Variants in HSD17B4 observed in about 807,000 individuals in gnomAD.
The protein encoded by HSD17B4 is peroxisomal multifunctional enzyme type 2.
Under a neutral mutation model 101.0 loss-of-function variants are expected in HSD17B4, and 70 were observed. That is an observed-to-expected ratio of 0.69 (90% confidence interval 0.57 to 0.85). HSD17B4 has a LOEUF of 0.85. Among genes scored for constraint, HSD17B4 ranks in the 40% least tolerant of loss-of-function variants. HSD17B4 has a pLI of 0.00. For missense variants in HSD17B4, 984 were observed against 892.4 expected (o/e 1.10, Z -1.31); for synonymous variants, 347 against 297.1 (o/e 1.17, Z -1.73).
At chr5:119,514,269 G>T (rs1171050328) in intron 16 of HSD17B4, among the ~76,000 whole-genome samples, 2 of 152,094 alleles carry the variant, frequency 1.3e-5, no homozygotes, top group South Asian at 4.1e-4. Flanking sequence ...TCTAAGTGTG[G>T]CATTTTAGTA....
intron 8 of HSD17B4, among the ~76,000 whole-genome samples, chr5:119,485,318 G>A (rs1749520637): frequency 6.6e-6 from 1 of 152,100 alleles, no homozygotes; most frequent in Non-Finnish European, 1.5e-5. Context: ...TATTTGAACA[G>A]ATCTGGACCA....
chr5:119,478,695 C>T (rs1345542020), intron 7 of HSD17B4, 139 bp from the exon 8 acceptor site: 1 of 617,754 alleles, frequency 1.6e-6, no homozygotes, highest in Non-Finnish European at 2.9e-6. Context: ...ATTTTAGTTA[C>T]ATAAATCATG....
At position 119,499,664 on chromosome 5, in the gene HSD17B4, ATTAT is replaced by A. The variant is rs1295468760; in HGVS notation, c.1209+116_1209+119del. The A allele has an allele frequency of 1.3e-5, 7 of 547,804 alleles. No homozygotes were observed. The African/African-American group carries it at 1.4e-4, about 11-fold the overall frequency. 33.9% of individuals were successfully genotyped at this position (547,804 alleles called of 1,614,324 possible). A position where few individuals can be genotyped will look rare whatever the true frequency, so the allele number is the denominator to read the frequency against. ...TAGTGTGTGTATATATATTTATATA[ATTAT>A]TTATAGTGGTTAGTTTAGCATATCT... is the stretch of plus-strand genomic sequence containing the variant. On this transcript the variant is annotated intron_variant, in intron 13 of 23. Transcript: ENST00000510025.
intron 2 of HSD17B4, chr5:119,472,455 C>T (rs1344221044): frequency 1.3e-5 from 2 of 150,108 alleles, no homozygotes; most frequent in Non-Finnish European, 3.0e-5. Context: ...TTTTTTGAGA[C>T]AGAGTTTCCA....
intron 10 of HSD17B4, chr5:119,492,909 A>G (rs1368109854): frequency 6.6e-6 from 1 of 152,094 alleles, no homozygotes; most frequent in South Asian, 2.1e-4. Flanking sequence ...CAATTAACTG[A>G]ATCAGTTAAA....
At chr5:119,469,656 G>A (rs1387097486) in intron 2 of HSD17B4, among the ~76,000 whole-genome samples, 2 of 152,152 alleles carry the variant, frequency 1.3e-5, no homozygotes, top group Non-Finnish European at 2.9e-5. Flanking sequence ...CACCTGGCCT[G>A]TTTTTCCATG....
chr5:119,493,265 T>A (rs1179891588), intron 10 of HSD17B4: 4 of 153,810 alleles, frequency 2.6e-5, no homozygotes, highest in Non-Finnish European at 2.9e-5. Context: ...GCAGCAGTAA[T>A]GGTTTTTATG....
chr5:119,534,405 T>C (rs1754370953), intron 22 of HSD17B4, among the ~76,000 whole-genome samples: 1 of 152,112 alleles, frequency 6.6e-6, no homozygotes, highest in Non-Finnish European at 1.5e-5. Flanking sequence ...ATGATGTGAC[T>C]GGATGAGGAT....
intron 2 of HSD17B4, among the ~76,000 whole-genome samples, chr5:119,459,452 C>T (rs1754993259): frequency 6.6e-6 from 1 of 152,232 alleles, no homozygotes; most frequent in Admixed American, 6.5e-5. Context: ...ACTCAAGGCA[C>T]ATCCTAGCCC....
chr5:119,456,014 A>G (rs1754599647), intron 1 of HSD17B4, among the ~76,000 whole-genome samples: 1 of 152,176 alleles, frequency 6.6e-6, no homozygotes, highest in South Asian at 2.1e-4. Flanking sequence ...TCTCACTTAC[A>G]CCTTCTAAGT....
chr5:119,493,983 A>G, intron 11 of HSD17B4, 37 bp downstream of exon 11: 2 of 1,609,488 alleles, frequency 1.2e-6, no homozygotes, highest in Non-Finnish European at 1.7e-6. Flanking sequence ...CTGGTTGGGG[A>G]ATCAGAGGCA....
At chr5:119,499,211 C>T (rs1750925817) in intron 12 of HSD17B4, 106 bp from the exon 13 acceptor site, 2 of 738,686 alleles carry the variant, frequency 2.7e-6, no homozygotes, top group Non-Finnish European at 4.8e-6. Flanking sequence ...ATCAAATTCA[C>T]TAACATTCTA....
rs1755001415 is a variant in HSD17B4 at position 119,541,652 on chromosome 5, C to T, written c.2122-253C>T. On this transcript the variant is annotated intron_variant, in intron 23 of 23. Transcript: ENST00000510025. ...CAGAAACGTAGGTTGAAACAGAACT[C>T]CCAGATCCATGAGTTCAGATAAATT... is the stretch of plus-strand genomic sequence containing the variant. 5.9e-5 allele frequency among the ~76,000 whole-genome samples: 9 copies of T among 152,130 alleles called. 1 individual carries two copies. The South Asian group carries it at 1.5e-3, about 25-fold the overall frequency.
chr5:119,499,382 GTA>G lies in HSD17B4; in HGVS notation c.1040_1041del (p.Tyr347CysfsTer19), dbSNP rs1224975186. ...CTTATACGGAACTGGAAGCTATTATGTATGCCCTTGGAGTGGGAGCGTCAATC... is the reference window on the plus strand; with the variant it reads ...CTTATACGGAACTGGAAGCTATTATGTGCCCTTGGAGTGGGAGCGTCAATC... The part of the protein sequence containing the change: ...YAYTELEAIM[Y>X]ALGVGASIKD... On this transcript the variant is annotated frameshift_variant, in exon 13 of 24. Transcript: ENST00000510025. LOFTEE classifies it high-confidence loss of function. 1 of 1,613,808 alleles carries G rather than the reference GTA, an allele frequency of 6.2e-7. No individual in the cohort carries two copies. The highest frequency in any genetic ancestry group is 8.5e-7 in the Non-Finnish European group (1 of 1,179,878).
chr5:119,538,563 T>G (rs1754722186), intron 23 of HSD17B4, among the ~76,000 whole-genome samples: 2 of 152,218 alleles, frequency 1.3e-5, no homozygotes, highest in African/African-American at 4.8e-5. Flanking sequence ...TTTGCACGTG[T>G]ATAAAATCCA....
intron 15 of HSD17B4, among the ~76,000 whole-genome samples, chr5:119,508,857 C>T (rs953341559): frequency 1.3e-5 from 2 of 152,216 alleles, no homozygotes; most frequent in African/African-American, 4.8e-5. Context: ...TAATTGGGAT[C>T]TGAATAGCAG....
rs1263777745 is a variant in HSD17B4 at position 119,525,266 on chromosome 5, T to C, written c.1554T>C (p.Pro518=). The change falls in exon 18 of 24, where the codon CCT becomes CCC. Residue 518 remains proline, a synonymous_variant. Coordinates refer to ENST00000510025, the MANE Select transcript of HSD17B4 (RefSeq NM_000414.4). ...SGDWNPLHID[P]NFASLAGFDK... ...ACTGGAATCCCTTACACATTGATCCTAACTTTGCTAGTCTAGCAGGTGAGT... is the reference window on the plus strand; with the variant it reads ...ACTGGAATCCCTTACACATTGATCCCAACTTTGCTAGTCTAGCAGGTGAGT... 3 of 1,610,766 alleles carry C rather than the reference T, an allele frequency of 1.9e-6. No individual in the cohort carries two copies. Among genetic ancestry groups the C allele is most frequent in the Non-Finnish European group, 2.5e-6 (3 of 1,177,334 alleles).
At position 119,527,133 on chromosome 5, in the gene HSD17B4, G is replaced by T. The variant is rs201966018; in HGVS notation, c.1681G>T (p.Ala561Ser). The T allele has an allele frequency of 1.2e-5, 19 of 1,574,022 alleles. No individual in the cohort carries two copies. The highest frequency in any genetic ancestry group is 1.2e-4 in the Admixed American group (7 of 59,724). Residue 561 changes from alanine (A) to serine (S), a missense_variant and splice_region_variant, in exon 20 of 24, where the codon GCT becomes TCT. Ala to Ser is a moderately conservative substitution (Grantham distance 99). Coordinates refer to ENST00000510025, the MANE Select transcript of HSD17B4 (RefSeq NM_000414.4). ...TTAACCCCACAATTCTTTTTTAAAGGCTCGTTTTGCAAAACCAGTATATCC... is the reference window on the plus strand; with the variant it reads ...TTAACCCCACAATTCTTTTTTAAAGTCTCGTTTTGCAAAACCAGTATATCC... ...NDVSRFKAIKARFAKPVYPGQ... is the reference protein window; with the variant it reads ...NDVSRFKAIKSRFAKPVYPGQ...
intron 21 of HSD17B4, among the ~76,000 whole-genome samples, chr5:119,530,853 AAAAAAAAAAAC>A (rs903797900): frequency 1.4e-5 from 2 of 145,522 alleles, no homozygotes; most frequent in African/African-American, 5.1e-5. Flanking sequence ...CTCAAAAAAA[AAAAAAAAAAAC>A]AAAAAACAAA....
Sources: gnomAD v4.1 joint callset for allele counts (sites outside exome capture counted in the v4.1 genomes callset) on GRCh38, gnomAD v4.1.1 for gene constraint, MANE v1.5 for transcripts, NCBI Gene and HGNC (gene_info 2026-07-23, HGNC 2026-07-21) for gene names.